Variants in FBXL17 observed in about 807,000 individuals in gnomAD.
The protein encoded by FBXL17 is F-box and leucine rich repeat protein 17.
A neutral mutation model predicts 66.2 loss-of-function variants in FBXL17; 22 were observed. That is an observed-to-expected ratio of 0.33 (90% CI 0.24 to 0.47). FBXL17 has a LOEUF of 0.47. Among genes scored for constraint, FBXL17 ranks in the 20% least tolerant of loss-of-function variants. The pLI, the probability that FBXL17 is intolerant of heterozygous loss-of-function variation, is 1.00. For synonymous variants in FBXL17, 474 were observed against 400.5 expected (o/e 1.18, Z -2.19); for missense variants, 878 against 948.2 (o/e 0.93, Z 0.97).
chr5:108,169,685 ATTACAT>A (rs1257685184), intron 6 of FBXL17, among the ~76,000 whole-genome samples: 2 of 152,172 alleles, frequency 1.3e-5, no homozygotes, highest in Non-Finnish European at 2.9e-5. Context: ...TAACTCTTCC[ATTACAT>A]TTACAGAGTA....
At chr5:108,073,751 T>C in intron 6 of FBXL17, among the ~76,000 whole-genome samples, 1 of 152,072 alleles carries the variant, frequency 6.6e-6, no homozygotes, top group East Asian at 1.9e-4. Flanking sequence ...AGATCTATTG[T>C]TTAAAAGAGC....
chr5:107,982,527 C>A (rs868443150), intron 7 of FBXL17, among the ~76,000 whole-genome samples: 2 of 152,262 alleles, frequency 1.3e-5, no homozygotes, highest in South Asian at 2.1e-4. Context: ...AAACTTTCCG[C>A]TACTGAGAAC....
At chr5:108,084,737 G>A (rs994658085) in intron 6 of FBXL17, among the ~76,000 whole-genome samples, 2 of 152,130 alleles carry the variant, frequency 1.3e-5, no homozygotes, top group East Asian at 1.9e-4. Flanking sequence ...GTGTCAGCCT[G>A]CAATCTCAAC....
chr5:107,991,012 AG>A (rs1449750893), intron 7 of FBXL17, among the ~76,000 whole-genome samples: 2 of 147,668 alleles, frequency 1.4e-5, no homozygotes, highest in Non-Finnish European at 3.0e-5. Context: ...TTATTTGAAA[AG>A]GGCTAGTTAC....
intron 4 of FBXL17, among the ~76,000 whole-genome samples, chr5:108,312,548 A>T (rs1279845489): frequency 2.0e-5 from 3 of 152,086 alleles, no homozygotes; most frequent in African/African-American, 4.8e-5. Flanking sequence ...AAACTTTTAT[A>T]AACCTAAGTT....
chr5:108,376,213 A>C (rs1437187157), intron 1 of FBXL17, among the ~76,000 whole-genome samples: 1 of 152,210 alleles, frequency 6.6e-6, no homozygotes, highest in East Asian at 1.9e-4. Flanking sequence ...CCAAAATCAG[A>C]AACAAAACAA....
intron 4 of FBXL17, among the ~76,000 whole-genome samples, chr5:108,267,016 A>G (rs900927080): frequency 1.3e-5 from 2 of 152,132 alleles, no homozygotes; most frequent in African/African-American, 4.8e-5. Context: ...TCTATAGCAT[A>G]AGTTGCATTT....
intron 7 of FBXL17, among the ~76,000 whole-genome samples, chr5:107,923,075 C>T (rs971931686): frequency 1.3e-5 from 2 of 151,842 alleles, no homozygotes; most frequent in Non-Finnish European, 2.9e-5. Context: ...TCATGAAAGG[C>T]TAATAAATAA....
chr5:107,935,260 A>G (rs576123573), intron 7 of FBXL17, among the ~76,000 whole-genome samples: 101 of 152,222 alleles, frequency 6.6e-4, no homozygotes, highest in African/African-American at 2.3e-3. Flanking sequence ...TGTCCTTTTT[A>G]CACTGGAAGG....
At chr5:108,217,890 C>T (rs970236823) in intron 5 of FBXL17, among the ~76,000 whole-genome samples, 1 of 152,030 alleles carries the variant, frequency 6.6e-6, no homozygotes, top group East Asian at 1.9e-4. Context: ...CTGTGCCTGG[C>T]TTATTTTACT....
At chr5:108,078,662 C>T (rs1364580123) in intron 6 of FBXL17, among the ~76,000 whole-genome samples, 1 of 152,128 alleles carries the variant, frequency 6.6e-6, no homozygotes, top group East Asian at 1.9e-4. Context: ...GAGGTTTCAT[C>T]TATATAAAAA....
At chr5:108,324,847 G>A (rs1179109477) in intron 4 of FBXL17, among the ~76,000 whole-genome samples, 3 of 152,060 alleles carry the variant, frequency 2.0e-5, no homozygotes, top group African/African-American at 7.2e-5. Flanking sequence ...GATGAATCTT[G>A]AGGGCATTAA....
At chr5:107,910,619 G>A (rs1358592230) in intron 7 of FBXL17, among the ~76,000 whole-genome samples, 2 of 152,046 alleles carry the variant, frequency 1.3e-5, no homozygotes, top group Non-Finnish European at 2.9e-5. Flanking sequence ...AAATGATCAG[G>A]ATTTCCAAAG....
chr5:107,921,082 A>G (rs1331213624), intron 7 of FBXL17, among the ~76,000 whole-genome samples: 1 of 152,244 alleles, frequency 6.6e-6, no homozygotes, highest in East Asian at 1.9e-4. Flanking sequence ...AAAAACTAAC[A>G]TTGTTTGACT....
chr5:108,000,647 T>G (rs558099447), intron 7 of FBXL17, among the ~76,000 whole-genome samples: 1 of 152,216 alleles, frequency 6.6e-6, no homozygotes, highest in Non-Finnish European at 1.5e-5. Flanking sequence ...CAACTTTCTA[T>G]TAAGATAGAT....
intron 6 of FBXL17, among the ~76,000 whole-genome samples, chr5:108,024,822 G>T (rs1024841655): frequency 1.3e-5 from 2 of 152,080 alleles, no homozygotes; most frequent in Non-Finnish European, 2.9e-5. Context: ...CAACAGAAAG[G>T]TTACTTTGGT....
intron 8 of FBXL17, among the ~76,000 whole-genome samples, chr5:107,877,178 A>AG (rs1748640471): frequency 6.6e-6 from 1 of 152,212 alleles, no homozygotes; most frequent in Non-Finnish European, 1.5e-5. Flanking sequence ...CTACTCAAAC[A>AG]GGGGCTTCTT....
chr5:107,924,272 T>A (rs115878857), intron 7 of FBXL17, among the ~76,000 whole-genome samples: 95 of 152,128 alleles, frequency 6.2e-4, no homozygotes, highest in Non-Finnish European at 1.1e-3. Flanking sequence ...AGGAAGTACA[T>A]AAAAGATCAC....
At chr5:108,365,088 C>T in intron 2 of FBXL17, 93 bp from the exon 3 acceptor site, 1 of 848,344 alleles carries the variant, frequency 1.2e-6, no homozygotes, top group African/African-American at 1.7e-5. Context: ...AAACAATATA[C>T]TAATTAGATT....
Sources: gnomAD v4.1 joint callset for allele counts (sites outside exome capture counted in the v4.1 genomes callset) on GRCh38, gnomAD v4.1.1 for gene constraint, MANE v1.5 for transcripts, NCBI Gene and HGNC (gene_info 2026-07-23, HGNC 2026-07-21) for gene names.